Variants in FKBP2 observed in about 807,000 individuals in gnomAD.
FKBP2 encodes FKBP prolyl isomerase 2.
FKBP2 carries 15 observed loss-of-function variants against 19.4 expected under a neutral mutation model. The observed-to-expected ratio is 0.77, with a 90% CI of 0.52 to 1.19. The LOEUF (loss-of-function observed/expected upper bound fraction) is 1.19. Ranked by LOEUF, FKBP2 falls within the 50% of genes most tolerant of loss-of-function variation. The pLI, the probability that FKBP2 is intolerant of heterozygous loss-of-function variation, is 0.00. For missense variants in FKBP2, 170 were observed against 179.0 expected (o/e 0.95, Z 0.29); for synonymous variants, 76 against 74.8 (o/e 1.02, Z -0.08).
chr11:64,242,049 C>T (rs1445361981), intron 1 of FKBP2: 3 of 233,438 alleles, frequency 1.3e-5, no homozygotes, highest in African/African-American at 4.6e-5. Context: ...AGGGTCTGGA[C>T]TTTGCGTAAA....
intron 4 of FKBP2, 74 bp from the exon 5 acceptor site, chr11:64,243,767 G>A (rs753641173): frequency 1.6e-4 from 249 of 1,583,734 alleles, no homozygotes; most frequent in Non-Finnish European, 2.0e-4. Context: ...TGAGAGGGGC[G>A]GAACACTCTC....
chr11:64,242,613 A>T lies in FKBP2; in HGVS notation c.171+55A>T, dbSNP rs2070765. On this transcript the variant is annotated intron_variant, in intron 2 of 5. Coordinates refer to ENST00000309366, the MANE Select transcript of FKBP2 (RefSeq NM_004470.4). ...TGGGTGGGGCTTCCGAGGACCAGAG[A>T]GTGCTTGGGAGTCTGGTTCTCCATA... 1.7e-5 allele frequency: 26 copies of T among 1,495,876 alleles called. No homozygotes were observed. The African/African-American group carries it at 3.5e-4, about 20-fold the overall frequency. The allele number at this position is 1,495,876 out of a possible 1,614,324, so 92.7% of individuals were successfully genotyped here.
intron 5 of FKBP2, 29 bp from the exon 6 acceptor site, chr11:64,243,939 G>A (rs1283172281): frequency 6.2e-7 from 1 of 1,614,038 alleles, no homozygotes. Flanking sequence ...GGCCCTGGTT[G>A]GCATTTTGAC....
chr11:64,242,276 G>A (rs1190933005), intron 1 of FKBP2, 108 bp from the exon 2 acceptor site: 14 of 1,141,514 alleles, frequency 1.2e-5, no homozygotes, highest in Non-Finnish European at 1.6e-5. Context: ...GATCCCCCGG[G>A]GCAAGGAAGA....
At position 64,244,086 on chromosome 11, in the gene FKBP2, A is replaced by AAAAAAAC. The variant is rs1565322519; in HGVS notation, c.*70_*76dup. The AAAAAAAC allele has an allele frequency of 1.1e-5, 17 of 1,568,682 alleles. No individual in the cohort carries two copies. Among genetic ancestry groups the AAAAAAAC allele is most frequent in the Non-Finnish European group, 1.5e-5 (17 of 1,152,116 alleles). ...CCATCAGGGACCAGACTGTTCCAAA[A>AAAAAAAC]AAAAAACAAAAAACAAAAACAAACA... On this transcript the variant is annotated 3_prime_UTR_variant, in exon 6 of 6. Transcript: ENST00000309366.
chr11:64,243,574 C>A, intron 4 of FKBP2, 77 bp downstream of exon 4: 1 of 1,540,144 alleles, frequency 6.5e-7, no homozygotes, highest in Non-Finnish European at 9.0e-7. Flanking sequence ...TTCAGCTTTT[C>A]ATTGGTCTTC....
intron 2 of FKBP2, 23 bp from the exon 3 acceptor site, chr11:64,243,176 C>T (rs780912720): frequency 1.9e-6 from 3 of 1,609,700 alleles, no homozygotes; most frequent in Admixed American, 3.3e-5. Flanking sequence ...CTCTTCCTCA[C>T]TGGCCTTCTC....
rs758158266 is a variant in FKBP2, at chr11:64,243,829, C to T, written c.332-12C>T. 1.2e-6 allele frequency: 2 copies of T among 1,614,010 alleles called. No homozygotes were observed. The highest frequency in any genetic ancestry group is 1.1e-5 in the South Asian group (1 of 91,084). ...GGCCATCACTGACTGTTTCTTTGTG[C>T]ATCTTCAACAGGGTATGGAGAGCGG... On this transcript the variant is annotated splice_polypyrimidine_tract_variant and intron_variant, in intron 4 of 5. Transcript: ENST00000309366.
intron 1 of FKBP2, chr11:64,241,957 G>A (rs2030528306): frequency 1.3e-5 from 2 of 157,560 alleles, no homozygotes; most frequent in Admixed American, 6.5e-5. Flanking sequence ...CGGCCGCAGA[G>A]GTGTTGGTGT....
chr11:64,243,424 A>G (rs2030681712), intron 3 of FKBP2, 27 bp from the exon 4 acceptor site: 3 of 1,613,876 alleles, frequency 1.9e-6, no homozygotes, highest in Non-Finnish European at 2.5e-6. Flanking sequence ...GGGTGCTGCC[A>G]TGGGCTGAGC....
chr11:64,241,124 G>A lies in FKBP2; in HGVS notation c.-13G>A, dbSNP rs1169306296. Reference sequence around the variant, plus strand: ...CCACCGGGGTTGACTCCGGGGGCGCGGCGAGGAGGTGAGCGGGGGCCACAG... The same window carrying A: ...CCACCGGGGTTGACTCCGGGGGCGCAGCGAGGAGGTGAGCGGGGGCCACAG... On this transcript the variant is annotated 5_prime_UTR_variant, in exon 1 of 6. Transcript: ENST00000309366. 2.0e-5 allele frequency: 3 copies of A among 152,462 alleles called. No individual in the cohort carries two copies. Among genetic ancestry groups the A allele is most frequent in the Non-Finnish European group, 1.5e-5 (1 of 68,240 alleles). The allele number at this position is 152,462 out of a possible 1,614,324, so 9.4% of individuals were successfully genotyped here.
intron 4 of FKBP2, 172 bp downstream of exon 4, chr11:64,243,669 C>G: frequency 8.7e-7 from 1 of 1,150,410 alleles, no homozygotes; most frequent in African/African-American, 1.5e-5. Flanking sequence ...TTGAAGCACT[C>G]AGCTGTAGTG....
chr11:64,243,149 G>A, intron 2 of FKBP2, 50 bp from the exon 3 acceptor site: 2 of 1,522,206 alleles, frequency 1.3e-6, no homozygotes, highest in East Asian at 2.3e-5. Context: ...GAGGGAGGGG[G>A]TGTCAGGGGT....
At chr11:64,243,906 C>T (rs931914916) in intron 5 of FKBP2, 30 bp downstream of exon 5, 1 of 1,614,104 alleles carries the variant, frequency 6.2e-7, no homozygotes, top group Non-Finnish European at 8.5e-7. Flanking sequence ...CTCCCATCAC[C>T]TGCAGCCAGC....
rs773219321 is a variant in FKBP2 at position 64,243,252 on chromosome 11, C to T, written c.225C>T (p.Pro75=). ...EFDSSLPQNQ[P]FVFSLGTGQV... ...ACAGCAGCCTGCCCCAGAACCAGCC[C>T]TTTGTCTTCTCCCTTGGCACAGGCC... Residue 75 remains proline, a synonymous_variant, in exon 3 of 6, where the codon CCC becomes CCT. Transcript: ENST00000309366. 2 of 1,613,272 alleles carry T rather than the reference C, an allele frequency of 1.2e-6. No homozygotes were observed. Among genetic ancestry groups the T allele is most frequent in the South Asian group, 1.1e-5 (1 of 91,016 alleles).
Position 64,243,271 on chromosome 11 carries a change from ACAGGC to A in FKBP2, c.249_253del (p.Gln84HisfsTer13). 6.2e-7 allele frequency: 1 copy of A among 1,611,826 alleles called. No homozygotes were observed. Among genetic ancestry groups the A allele is most frequent in the Non-Finnish European group, 8.5e-7 (1 of 1,178,822 alleles). ...CCAGCCCTTTGTCTTCTCCCTTGGCACAGGCCAGGTCATCAAGGGCTGGGACCAGG... is the reference window on the plus strand; with the variant it reads ...CCAGCCCTTTGTCTTCTCCCTTGGCACAGGTCATCAAGGGCTGGGACCAGG... On this transcript the variant is annotated frameshift_variant, in exon 3 of 6. Coordinates refer to ENST00000309366, the MANE Select transcript of FKBP2 (RefSeq NM_004470.4). LOFTEE classifies it high-confidence loss of function.
intron 2 of FKBP2, among the ~76,000 whole-genome samples, chr11:64,242,954 C>T: frequency 6.6e-6 from 1 of 152,204 alleles, no homozygotes; most frequent in East Asian, 1.9e-4. Flanking sequence ...CGCCTATAAT[C>T]CCAGCTACTT....
intron 4 of FKBP2, 154 bp downstream of exon 4, chr11:64,243,651 C>T: frequency 3.4e-6 from 4 of 1,186,482 alleles, no homozygotes; most frequent in Non-Finnish European, 4.9e-6. Flanking sequence ...GAGTACAGGG[C>T]AAGATCATTG....
At chr11:64,242,072 A>G (rs1591086098) in intron 1 of FKBP2, 1 of 288,982 alleles carries the variant, frequency 3.5e-6, no homozygotes, top group East Asian at 6.8e-5. Context: ...GACAGGCGGG[A>G]ACTGAAGAGC....
Sources: gnomAD v4.1 joint callset for allele counts (sites outside exome capture counted in the v4.1 genomes callset) on GRCh38, gnomAD v4.1.1 for gene constraint, MANE v1.5 for transcripts, NCBI Gene and HGNC (gene_info 2026-07-23, HGNC 2026-07-21) for gene names.